The following DNAI3 variants were observed in gnomAD, a reference collection of about 807,000 sequenced individuals.
The protein encoded by DNAI3 is dynein axonemal intermediate chain 3, also known as WD repeat domain 63.
Under a neutral mutation model 115.5 loss-of-function variants are expected in DNAI3, and 83 were observed. The observed-to-expected ratio is 0.72, with a 90% CI of 0.60 to 0.86. The LOEUF (loss-of-function observed/expected upper bound fraction) is 0.86. Among genes scored for constraint, DNAI3 ranks in the 40% least tolerant of loss-of-function variants. The pLI is 0.00. For synonymous variants in DNAI3, 320 were observed against 347.0 expected (o/e 0.92, Z 0.86); for missense variants, 1,004 against 1,075.8 (o/e 0.93, Z 0.93).
intron 13 of DNAI3, among the ~76,000 whole-genome samples, chr1:85,101,593 T>A (rs1395165268): frequency 2.6e-5 from 4 of 151,554 alleles, no homozygotes; most frequent in African/African-American, 9.7e-5. Flanking sequence ...CCGGGCGTGG[T>A]GGCGGGCGCC....
intron 9 of DNAI3, chr1:85,093,974 C>G: frequency 2.0e-6 from 1 of 502,488 alleles, no homozygotes; most frequent in Admixed American, 2.3e-5. Flanking sequence ...GGCTAAATTT[C>G]TTCCTCCTAA....
chr1:85,099,786 GGAACA>G (rs1285096580), intron 13 of DNAI3, among the ~76,000 whole-genome samples: 1 of 152,146 alleles, frequency 6.6e-6, no homozygotes, highest in African/African-American at 2.4e-5. Context: ...ATAGATCAAT[GGAACA>G]GAACAGAGCC....
At chr1:85,074,929 G>A (rs1654405523) in intron 3 of DNAI3, among the ~76,000 whole-genome samples, 1 of 152,214 alleles carries the variant, frequency 6.6e-6, no homozygotes, top group Admixed American at 6.5e-5. Context: ...ATGAGTGAAT[G>A]AGTTGTGTTC....
chr1:85,094,525 C>G lies in DNAI3; in HGVS notation c.1143C>G (p.Phe381Leu). The G allele has an allele frequency of 6.2e-7, 1 of 1,614,152 alleles. No individual in the cohort carries two copies. The highest frequency in any genetic ancestry group is 8.5e-7 in the Non-Finnish European group (1 of 1,180,022). Residue 381 changes from phenylalanine (F) to leucine (L), a missense_variant, in exon 10 of 23, where the codon TTC becomes TTG. Phe to Leu is a conservative substitution (Grantham distance 22, BLOSUM62 0). Coordinates refer to ENST00000294664, the MANE Select transcript of DNAI3 (RefSeq NM_145172.5). Reference sequence around the variant, plus strand: ...TGCTGCAGCCATCACTGATTCTTTTCTGGAGCTTCTCTGATCCTATACATC... The same window carrying G: ...TGCTGCAGCCATCACTGATTCTTTTGTGGAGCTTCTCTGATCCTATACATC... Reference protein sequence around the residue: ...KLLLQPSLILFWSFSDPIHPQ... With the variant: ...KLLLQPSLILLWSFSDPIHPQ...
chr1:85,094,488 C>G lies in DNAI3; in HGVS notation c.1106C>G (p.Ser369Cys). The G allele has an allele frequency of 6.2e-7, 1 of 1,614,196 alleles. No homozygotes were observed. Among genetic ancestry groups the G allele is most frequent in the Non-Finnish European group, 8.5e-7 (1 of 1,180,018 alleles). ...TCTTTTGAAGACAGAGTTCACTTTT[C>G]TGGTAAATTATTGCTGCAGCCATCA... is the stretch of plus-strand genomic sequence containing the variant. Reference protein sequence around the residue: ...RLSFEDRVHFSGKLLLQPSLI... With the variant: ...RLSFEDRVHFCGKLLLQPSLI... Residue 369 changes from serine (S) to cysteine (C), a missense_variant, in exon 10 of 23, where the codon TCT (serine) becomes TGT (cysteine). Transcript: ENST00000294664.
chr1:85,084,517 A>G (rs1654737452), intron 5 of DNAI3, 29 bp from the exon 6 acceptor site: 2 of 1,344,126 alleles, frequency 1.5e-6, no homozygotes, highest in African/African-American at 1.5e-5. Context: ...TTGGGCATAC[A>G]TTGTAGAATG....
chr1:85,100,778 G>C (rs1340264035), intron 13 of DNAI3, among the ~76,000 whole-genome samples: 1 of 152,182 alleles, frequency 6.6e-6, no homozygotes, highest in Non-Finnish European at 1.5e-5. Flanking sequence ...ATACACCATG[G>C]AATACTATGC....
chr1:85,073,011 T>C (rs751684878), intron 2 of DNAI3, 43 bp from the exon 3 acceptor site: 5 of 1,278,398 alleles, frequency 3.9e-6, no homozygotes, highest in African/African-American at 1.5e-5. Context: ...GAGATGTATT[T>C]GATTCAAAAA....
chr1:85,097,594 A>G lies in DNAI3; in HGVS notation c.1289A>G (p.His430Arg). ...ATTGTCATGTGGGATATCACCGCAC[A>G]TGCAGATCGCATAGAAAACATTAAG... ...GQIVMWDITA[H>R]ADRIENIKAG... The change falls in exon 12 of 23, where the codon CAT (histidine) becomes CGT (arginine). Residue 430 changes from histidine (H) to arginine (R), a missense_variant. His to Arg is a conservative substitution (Grantham distance 29). This residue lies in a region of DNAI3 where 550 missense variants were observed against 568.1 expected (regional missense o/e 0.97). Transcript: ENST00000294664. The G allele has an allele frequency of 6.2e-7, 1 of 1,613,272 alleles. No homozygotes were observed. Among genetic ancestry groups the G allele is most frequent in the Non-Finnish European group, 8.5e-7 (1 of 1,179,684 alleles).
At chr1:85,106,063 C>T (rs535281882) in intron 14 of DNAI3, among the ~76,000 whole-genome samples, 1 of 152,084 alleles carries the variant, frequency 6.6e-6, no homozygotes, top group Non-Finnish European at 1.5e-5. Context: ...TCACTTGAAC[C>T]CAGGAGGCGG....
chr1:85,120,110 C>T (rs151225912), intron 17 of DNAI3, among the ~76,000 whole-genome samples: 4 of 152,356 alleles, frequency 2.6e-5, no homozygotes, highest in South Asian at 4.1e-4. Flanking sequence ...TTAATATATG[C>T]CAGGCATTGC....
intron 20 of DNAI3, among the ~76,000 whole-genome samples, chr1:85,127,221 T>A (rs550357817): frequency 6.6e-6 from 1 of 152,320 alleles, no homozygotes; most frequent in African/African-American, 2.4e-5. Context: ...GATAAAATGA[T>A]TATCTGGAGT....
Position 85,081,382 on chromosome 1 carries a change from A to G in DNAI3, c.252A>G (p.Val84=), listed in dbSNP as rs1224368730. The G allele has an allele frequency of 6.3e-7, 1 of 1,585,744 alleles. No homozygotes were observed. The highest frequency in any genetic ancestry group is 8.5e-7 in the Non-Finnish European group (1 of 1,171,432). Residue 84 remains valine, a synonymous_variant, in exon 4 of 23, where the codon GTA becomes GTG. Coordinates refer to ENST00000294664, the MANE Select transcript of DNAI3 (RefSeq NM_145172.5). ...IFEDLRNRAA[V]SDFHPVKKIV... ...AGGACCTGCGCAACAGAGCTGCAGT[A>G]TCTGATTTCCACCCAGTCAAAAAAA...
chr1:85,073,573 A>G (rs1030506275), intron 3 of DNAI3, among the ~76,000 whole-genome samples: 1 of 152,162 alleles, frequency 6.6e-6, no homozygotes, highest in African/African-American at 2.4e-5. Flanking sequence ...TTTTGGTGGG[A>G]TGGAGGGGGA....
intron 16 of DNAI3, among the ~76,000 whole-genome samples, chr1:85,115,961 A>C (rs1655804715): frequency 6.6e-6 from 1 of 152,046 alleles, no homozygotes; most frequent in South Asian, 2.1e-4. Flanking sequence ...TACCACATTA[A>C]ATGCTATTAA....
At chr1:85,107,305 G>T (rs1655516864) in intron 14 of DNAI3, among the ~76,000 whole-genome samples, 1 of 152,154 alleles carries the variant, frequency 6.6e-6, no homozygotes, top group Admixed American at 6.5e-5. Context: ...TGAAAAAGCT[G>T]TGGTGGGGAG....
chr1:85,082,188 A>G, intron 4 of DNAI3, 112 bp from the exon 5 acceptor site: 2 of 822,516 alleles, frequency 2.4e-6, no homozygotes, highest in African/African-American at 1.7e-5. Context: ...GATTAGCACA[A>G]TGGTTATCTT....
chr1:85,110,368 G>A (rs893541418), intron 16 of DNAI3, among the ~76,000 whole-genome samples: 1 of 151,638 alleles, frequency 6.6e-6, no homozygotes, highest in African/African-American at 2.4e-5. Context: ...GGAGAATGGC[G>A]TGAACCCGGG....
rs1320192104 is a variant in DNAI3 at position 85,097,595 on chromosome 1, T to A, written c.1290T>A (p.His430Gln). ...TTGTCATGTGGGATATCACCGCACA[T>A]GCAGATCGCATAGAAAACATTAAGG... ...GQIVMWDITA[H>Q]ADRIENIKAG... The change falls in exon 12 of 23, where the codon CAT (histidine) becomes CAA (glutamine). Residue 430 changes from histidine (H) to glutamine (Q), a missense_variant. Physicochemically the swap from His to Gln is conservative, Grantham distance 24 (BLOSUM62 0). Coordinates refer to ENST00000294664, the MANE Select transcript of DNAI3 (RefSeq NM_145172.5). 1.2e-6 allele frequency: 2 copies of A among 1,613,234 alleles called. No homozygotes were observed. Among genetic ancestry groups the A allele is most frequent in the South Asian group, 2.2e-5 (2 of 90,792 alleles).
Sources: gnomAD v4.1 joint callset for allele counts (sites outside exome capture counted in the v4.1 genomes callset) on GRCh38, gnomAD v4.1.1 for gene constraint, gnomAD v4.1.1 regional missense constraint, MANE v1.5 for transcripts, NCBI Gene and HGNC (gene_info 2026-07-23, HGNC 2026-07-21) for gene names.